Variants in MBOAT7 observed in about 807,000 individuals in gnomAD.
The protein encoded by MBOAT7 is membrane bound acylglycerophosphatidylinositol O-acyltransferase MBOAT7.
Under a neutral mutation model 47.4 loss-of-function variants are expected in MBOAT7, and 40 were observed. The ratio of observed to expected loss-of-function variants is 0.84; its 90% CI spans 0.66 to 1.10. The LOEUF (loss-of-function observed/expected upper bound fraction) is 1.10. Ranked by LOEUF, MBOAT7 falls within the 50% of genes least tolerant of loss-of-function variation. The pLI is 0.00. For synonymous variants in MBOAT7, 361 were observed against 292.0 expected (o/e 1.24, Z -2.41); for missense variants, 680 against 655.6 (o/e 1.04, Z -0.41).
In MBOAT7 at chr19:54,180,909, C is replaced by T. The variant is rs371452356; in HGVS notation, c.718G>A (p.Ala240Thr). The T allele has an allele frequency of 5.0e-6, 8 of 1,597,720 alleles. No individual in the cohort carries two copies. The highest frequency in any genetic ancestry group is 1.3e-5 in the African/African-American group (1 of 74,954). Residue 240 changes from alanine (A) to threonine (T), a missense_variant, in exon 6 of 8, where the codon GCC becomes ACC. Physicochemically the swap from Ala to Thr is moderately conservative, Grantham distance 58 (BLOSUM62 0). Coordinates refer to ENST00000245615, the MANE Select transcript of MBOAT7 (RefSeq NM_024298.5). The surrounding 1 kb of genome is among the most constrained non-coding windows in gnomAD (Gnocchi z 5.2). ...GCCACGTAGAAGCGCATGCGGAAGGCGAAGAAGACGGGGATCATGTAGAAG... is the reference window on the plus strand; with the variant it reads ...GCCACGTAGAAGCGCATGCGGAAGGTGAAGAAGACGGGGATCATGTAGAAG... The part of the protein sequence containing the change: ...RLFYMIPVFF[A>T]FRMRFYVAWI...
At position 54,173,460 on chromosome 19, in the gene MBOAT7, T is replaced by G. The variant is rs767837465; in HGVS notation, c.*584A>C. 2 of 229,758 alleles carry G rather than the reference T, an allele frequency of 8.7e-6. No individual in the cohort carries two copies. Among genetic ancestry groups the G allele is most frequent in the Non-Finnish European group, 1.7e-5 (2 of 116,280 alleles). 14.2% of individuals were successfully genotyped at this position (229,758 alleles called of 1,614,324 possible). On this transcript the variant is annotated 3_prime_UTR_variant, in exon 8 of 8. Coordinates refer to ENST00000245615, the MANE Select transcript of MBOAT7 (RefSeq NM_024298.5). ...GGAAAGATTTACACACGGTGACCTG[T>G]CATAGGCCAAGCGATGAGAAGAGGG...
rs1491140764 is a variant in MBOAT7, at chr19:54,188,015, C to CAAAAAGAAAGAAAGAAAGAA, written c.206+201_206+202insTTCTTTCTTTCTTTCTTTTT. ...GGGCAACAGGAGCGAAACTCCATCT[C>CAAAAAGAAAGAAAGAAAGAA]AGAAAGAAAGAAAGAAAGAAAGAAA... On this transcript the variant is annotated intron_variant, in intron 3 of 7. Coordinates refer to ENST00000245615, the MANE Select transcript of MBOAT7 (RefSeq NM_024298.5). Among the ~76,000 whole-genome samples, 7 of 78,384 alleles carry CAAAAAGAAAGAAAGAAAGAA rather than the reference C, an allele frequency of 8.9e-5. 1 individual carries two copies. Among genetic ancestry groups the CAAAAAGAAAGAAAGAAAGAA allele is most frequent in the African/African-American group, 3.7e-4 (7 of 18,782 alleles). 51.4% of individuals were successfully genotyped at this position (78,384 alleles called of 152,430 possible).
rs2076187340 is a variant in MBOAT7 at position 54,178,851 on chromosome 19, A to C, written c.945T>G (p.Asp315Glu). Residue 315 changes from aspartate to glutamate, a missense_variant, in exon 7 of 8, where the codon GAT becomes GAG. By Grantham distance (45) the Asp-to-Glu change is conservative. Coordinates refer to ENST00000245615, the MANE Select transcript of MBOAT7 (RefSeq NM_024298.5). Reference sequence around the variant, plus strand: ...CCGTCATGTTCCAGTACCGCATGCCATCGCGCACCCGCACGCAGAAATCTG... The same window carrying C: ...CCGTCATGTTCCAGTACCGCATGCCCTCGCGCACCCGCACGCAGAAATCTG... ...YSTDFCVRVR[D>E]GMRYWNMTVQ... 6.2e-7 allele frequency: 1 copy of C among 1,613,602 alleles called. No individual in the cohort carries two copies. The highest frequency in any genetic ancestry group is 1.3e-5 in the African/African-American group (1 of 74,944).
At chr19:54,184,141 C>T (rs1045108305) in intron 4 of MBOAT7, among the ~76,000 whole-genome samples, 1 of 149,648 alleles carries the variant, frequency 6.7e-6, no homozygotes, top group Non-Finnish European at 1.5e-5. Context: ...TCCCCAAATC[C>T]GATCCTTTAA....
intron 7 of MBOAT7, among the ~76,000 whole-genome samples, chr19:54,174,998 C>G (rs1298868573): frequency 7.9e-6 from 1 of 127,340 alleles, no homozygotes; most frequent in African/African-American, 3.0e-5. Context: ...TTTTTTGAGA[C>G]AGAGTCTCGC....
intron 7 of MBOAT7, among the ~76,000 whole-genome samples, chr19:54,176,520 T>C (rs2076112836): frequency 2.0e-5 from 3 of 152,160 alleles, no homozygotes; most frequent in Admixed American, 6.5e-5. Flanking sequence ...ATCACGCCAC[T>C]GCACTTGAGC....
chr19:54,174,854 C>G (rs1260545564), intron 7 of MBOAT7, among the ~76,000 whole-genome samples: 2 of 152,176 alleles, frequency 1.3e-5, no homozygotes, highest in Non-Finnish European at 2.9e-5. Context: ...TCCAGGAGCT[C>G]GCAGCCTTCC....
chr19:54,185,983 AC>A (rs113598117), intron 4 of MBOAT7, among the ~76,000 whole-genome samples: 58,702 of 151,212 alleles, frequency 0.39, 12,051 homozygotes, highest in East Asian at 0.56. Context: ...GGCGTGAGCC[AC>A]CCGCAGCTGG....
At chr19:54,188,061 G>C (rs1466078876) in intron 3 of MBOAT7, among the ~76,000 whole-genome samples, 156 bp downstream of exon 3, 1 of 53,038 alleles carries the variant, frequency 1.9e-5, no homozygotes, top group Middle Eastern at 8.6e-3. Context: ...AAGAAAGAAA[G>C]AAAGAAAGAC....
intron 7 of MBOAT7, among the ~76,000 whole-genome samples, chr19:54,176,890 A>C (rs1054236528): frequency 7.9e-5 from 12 of 151,818 alleles, no homozygotes; most frequent in African/African-American, 2.7e-4. Flanking sequence ...TCATCTCTAT[A>C]CATTTTTTAA....
chr19:54,187,111 G>C (rs1486509912), intron 4 of MBOAT7, 50 bp downstream of exon 4: 2 of 1,520,730 alleles, frequency 1.3e-6, no homozygotes, highest in East Asian at 4.9e-5. Context: ...AGTGGGAGGT[G>C]AAGGGGCCCA....
At chr19:54,178,550 T>C in intron 7 of MBOAT7, 1 of 1,425,048 alleles carries the variant, frequency 7.0e-7, no homozygotes, top group Non-Finnish European at 9.1e-7. Context: ...AGGCTGACTT[T>C]ACAGAAGTAG....
intron 7 of MBOAT7, chr19:54,178,328 G>A (rs1261928859): frequency 9.5e-7 from 1 of 1,047,864 alleles, no homozygotes; most frequent in Non-Finnish European, 1.2e-6. Flanking sequence ...TTACCTGTCA[G>A]GCCTCACATT....
intron 7 of MBOAT7, among the ~76,000 whole-genome samples, chr19:54,175,035 G>A (rs1006937827): frequency 6.7e-6 from 1 of 149,492 alleles, no homozygotes; most frequent in African/African-American, 2.5e-5. Flanking sequence ...GAGTGCAGTG[G>A]CGCGATCTTG....
intron 3 of MBOAT7, among the ~76,000 whole-genome samples, 176 bp downstream of exon 3, chr19:54,188,041 G>A (rs1022852806): frequency 1.4e-5 from 2 of 147,926 alleles, no homozygotes; most frequent in Admixed American, 6.7e-5. Flanking sequence ...AAGAAAGAAA[G>A]AAAGAAAGAA....
At chr19:54,188,015 C>CA (rs1491140764) in intron 3 of MBOAT7, among the ~76,000 whole-genome samples, 11 of 78,374 alleles carry the variant, frequency 1.4e-4, no homozygotes, top group African/African-American at 5.3e-4. Flanking sequence ...AACTCCATCT[C>CA]AGAAAGAAAG....
At chr19:54,187,845 A>G (rs36629) in intron 3 of MBOAT7, among the ~76,000 whole-genome samples, 59,357 of 151,834 alleles carry the variant, frequency 0.39, 12,377 homozygotes, top group East Asian at 0.57. Flanking sequence ...GAGAAACCCC[A>G]GCTCTATTAA....
chr19:54,188,167 GCTTCCCC>G, intron 3 of MBOAT7, 43 bp downstream of exon 3: 1 of 1,531,544 alleles, frequency 6.5e-7, no homozygotes. Flanking sequence ...GAAACAGGTT[GCTTCCCC>G]CTCTCCCCTC....
chr19:54,186,406 C>T (rs1457317067), intron 4 of MBOAT7, among the ~76,000 whole-genome samples: 2 of 152,326 alleles, frequency 1.3e-5, no homozygotes, highest in Admixed American at 1.3e-4. Flanking sequence ...CTCAATCCTC[C>T]ACGGGAAGAA....
Sources: allele counts gnomAD v4.1 joint callset (sites outside exome capture counted in the v4.1 genomes callset), GRCh38; gene constraint gnomAD v4.1.1; non-coding constraint Gnocchi (gnomAD v3.1); transcripts MANE v1.5; gene names NCBI Gene and HGNC (gene_info 2026-07-23, HGNC 2026-07-21).